The following ROBO2 variants were observed in gnomAD, a reference collection of about 807,000 sequenced individuals.
ROBO2 encodes the protein roundabout homolog 2.
ROBO2 carries 53 observed loss-of-function variants against 160.8 expected under a neutral mutation model. That is an observed-to-expected ratio of 0.33 (90% CI 0.26 to 0.41). The LOEUF is 0.41. Among genes scored for constraint, ROBO2 ranks in the 10% least tolerant of loss-of-function variants. The probability of loss-of-function intolerance (pLI) is 1.00; values close to 1 mark genes in which losing one functional copy is unlikely to be tolerated. For synonymous variants in ROBO2, 664 were observed against 611.7 expected (o/e 1.09, Z -1.26); for missense variants, 1,577 against 1,722.4 (o/e 0.92, Z 1.49).
chr3:77,130,471 C>T (rs1444701924), intron 2 of ROBO2, among the ~76,000 whole-genome samples: 4 of 152,082 alleles, frequency 2.6e-5, no homozygotes, highest in Admixed American at 6.6e-5. Flanking sequence ...GAGAAATGTG[C>T]ATTAAAATGA....
intron 2 of ROBO2, among the ~76,000 whole-genome samples, chr3:75,993,099 A>G (rs1401051475): frequency 6.6e-6 from 1 of 152,114 alleles, no homozygotes; most frequent in Admixed American, 6.5e-5. Flanking sequence ...TTATTGCTGA[A>G]ATGACTTAAG....
At position 76,476,639 on chromosome 3, in the gene ROBO2, G is replaced by A. The variant is rs76903968; in HGVS notation, c.109+539037G>A. Among the ~76,000 whole-genome samples, 24 of 152,212 alleles carry A rather than the reference G, an allele frequency of 1.6e-4. No homozygotes were observed. In the East Asian group the frequency reaches 4.1e-3, roughly 26 times the overall value. On this transcript the variant is annotated intron_variant, in intron 2 of 26. Coordinates refer to the ROBO2 transcript ENST00000487694. ...ATCCAGGGTGATTGGGAGAGGTGGC[G>A]GCCTTTTCTGCCACTATTGGCATGA...
At chr3:75,961,019 A>G (rs1449678158) in intron 2 of ROBO2, among the ~76,000 whole-genome samples, 2 of 151,572 alleles carry the variant, frequency 1.3e-5, no homozygotes, top group African/African-American at 4.8e-5. Context: ...AGGTGTTTTA[A>G]CTCTTTATTC....
At chr3:77,356,853 A>G (rs1228470909) in intron 2 of ROBO2, among the ~76,000 whole-genome samples, 1 of 152,154 alleles carries the variant, frequency 6.6e-6, no homozygotes, top group Non-Finnish European at 1.5e-5. Context: ...ATATGTGGAC[A>G]TATTATTTTC....
chr3:76,238,267 G>T (rs1025246280), intron 2 of ROBO2, among the ~76,000 whole-genome samples: 10 of 152,148 alleles, frequency 6.6e-5, no homozygotes, highest in Non-Finnish European at 1.0e-4. Context: ...AGTTGACGTG[G>T]CTGGGAAAGG....
chr3:76,526,039 T>C (rs2081930686), intron 2 of ROBO2, among the ~76,000 whole-genome samples: 2 of 151,988 alleles, frequency 1.3e-5, no homozygotes, highest in African/African-American at 4.8e-5. Context: ...ATTCAAATCG[T>C]TGATTTAAAG....
chr3:76,961,852 T>G (rs1314385393), intron 2 of ROBO2, among the ~76,000 whole-genome samples: 1 of 152,172 alleles, frequency 6.6e-6, no homozygotes, highest in Non-Finnish European at 1.5e-5. Flanking sequence ...TTTTCTGAGT[T>G]GTATAGATGT....
chr3:76,104,256 A>T (rs982904394), intron 2 of ROBO2, among the ~76,000 whole-genome samples: 1 of 152,240 alleles, frequency 6.6e-6, no homozygotes, highest in Non-Finnish European at 1.5e-5. Flanking sequence ...ATAACTTAGT[A>T]ACTATAAGCT....
intron 2 of ROBO2, among the ~76,000 whole-genome samples, chr3:76,947,475 A>C (rs2078631693): frequency 6.6e-6 from 1 of 152,202 alleles, no homozygotes; most frequent in Non-Finnish European, 1.5e-5. Context: ...CATCATTTAA[A>C]ATTATTTAAG....
At chr3:77,619,448 T>C (rs535748651) in intron 22 of ROBO2, among the ~76,000 whole-genome samples, 1 of 152,186 alleles carries the variant, frequency 6.6e-6, no homozygotes, top group East Asian at 1.9e-4. Context: ...AAAGAAGAAA[T>C]GCATGGGACA....
In ROBO2 at chr3:76,248,347, T is replaced by C. The variant is rs1301741290; in HGVS notation, c.109+310745T>C. ...TGAGTTCATGTCCTTTGTAGGGACA[T>C]GGATGAAATTGGAAATCATCATTCT... On this transcript the variant is annotated intron_variant, in intron 2 of 26. Coordinates refer to the ROBO2 transcript ENST00000487694. 2.6e-5 allele frequency among the ~76,000 whole-genome samples: 4 copies of C among 151,908 alleles called. No individual in the cohort carries two copies. The East Asian group carries it at 7.8e-4, about 30-fold the overall frequency.
intron 6 of ROBO2, among the ~76,000 whole-genome samples, chr3:77,531,240 T>G (rs1230902145): frequency 2.0e-5 from 3 of 152,078 alleles, no homozygotes; most frequent in Admixed American, 6.6e-5. Context: ...ATTTTCTAAC[T>G]TAGTGACCCA....
At chr3:77,313,933 T>C (rs1033994383) in intron 2 of ROBO2, among the ~76,000 whole-genome samples, 2 of 152,212 alleles carry the variant, frequency 1.3e-5, no homozygotes, top group Non-Finnish European at 2.9e-5. Flanking sequence ...GTCTAAGGTC[T>C]ACCAGTCCTT....
At chr3:76,897,729 A>G (rs1421524951) in intron 2 of ROBO2, among the ~76,000 whole-genome samples, 4 of 149,864 alleles carry the variant, frequency 2.7e-5, no homozygotes, top group Non-Finnish European at 4.4e-5. Context: ...TTTTTTTGAA[A>G]TTTTTTTAGA....
At chr3:75,981,600 T>C (rs2065276412) in intron 2 of ROBO2, among the ~76,000 whole-genome samples, 1 of 151,198 alleles carries the variant, frequency 6.6e-6, no homozygotes, top group South Asian at 2.1e-4. Context: ...TATAAAATTA[T>C]TTAAATTGTT....
intron 2 of ROBO2, among the ~76,000 whole-genome samples, chr3:76,031,683 T>G (rs1232040085): frequency 1.3e-5 from 2 of 152,184 alleles, no homozygotes; most frequent in Non-Finnish European, 1.5e-5. Flanking sequence ...TTGCATATGT[T>G]AAACCAGCCT....
intron 2 of ROBO2, among the ~76,000 whole-genome samples, chr3:76,106,658 G>C (rs943766238): frequency 2.6e-5 from 4 of 152,084 alleles, no homozygotes; most frequent in Admixed American, 6.5e-5. Context: ...AATTGAATGA[G>C]AGAAGGCAAG....
chr3:76,556,808 A>G (rs975608642), intron 2 of ROBO2, among the ~76,000 whole-genome samples: 14 of 152,142 alleles, frequency 9.2e-5, no homozygotes, highest in African/African-American at 3.4e-4. Context: ...ATTTTTATCA[A>G]AGCAAATAAC....
chr3:77,270,956 A>C (rs553993876), intron 2 of ROBO2, among the ~76,000 whole-genome samples: 223 of 152,250 alleles, frequency 1.5e-3, no homozygotes, highest in African/African-American at 4.8e-3. Flanking sequence ...AAAAAAAAAA[A>C]AAAACGGTTT....
Sources: allele counts gnomAD v4.1 joint callset (sites outside exome capture counted in the v4.1 genomes callset), GRCh38; gene constraint gnomAD v4.1.1; transcripts MANE v1.5; gene names NCBI Gene and HGNC (gene_info 2026-07-23, HGNC 2026-07-21).